MGAT5: variants seen among roughly 807,000 people sequenced by gnomAD.
MGAT5 encodes the protein alpha-1,6-mannosylglycoprotein 6-beta-N-acetylglucosaminyltransferase, also known as alpha-1,6-mannosylglycoprotein 6-beta-N-acetylglucosaminyltransferase A.
In MGAT5, 30 loss-of-function variants were observed where a neutral mutation model predicts 94.3. That is an observed-to-expected ratio of 0.32 (90% confidence interval 0.24 to 0.43). MGAT5 has a LOEUF of 0.43. MGAT5 is among the 20% of genes least tolerant of loss of function. MGAT5 has a pLI of 1.00. For missense variants in MGAT5, 691 were observed against 905.5 expected, an observed-to-expected ratio of 0.76 and a Z score of 3.04; for synonymous variants, 310 against 322.9, an observed-to-expected ratio of 0.96 and a Z score of 0.43.
intron 1 of MGAT5, among the ~76,000 whole-genome samples, chr2:134,146,518 C>T (rs563676598): frequency 1.3e-5 from 2 of 151,840 alleles, no homozygotes; most frequent in South Asian, 4.2e-4. Context: ...TATGATAGCA[C>T]CACTGCACTC....
intron 13 of MGAT5, among the ~76,000 whole-genome samples, chr2:134,425,937 TC>T (rs1166277430): frequency 1.3e-5 from 2 of 151,546 alleles, no homozygotes; most frequent in Non-Finnish European, 2.9e-5. Context: ...CAAGAATACT[TC>T]CTTGCTTCTC....
chr2:134,131,158 C>T (rs1409157191), intron 1 of MGAT5, among the ~76,000 whole-genome samples: 1 of 152,210 alleles, frequency 6.6e-6, no homozygotes, highest in East Asian at 1.9e-4. Context: ...GGCCAGCGAG[C>T]TCACAAACCC....
intron 4 of MGAT5, among the ~76,000 whole-genome samples, chr2:134,327,031 C>T (rs1317745108): frequency 6.6e-6 from 1 of 152,094 alleles, no homozygotes; most frequent in Non-Finnish European, 1.5e-5. Context: ...ACAATGATGT[C>T]TGGCACATGG....
chr2:134,220,996 A>C (rs1344257765), intron 1 of MGAT5, among the ~76,000 whole-genome samples: 1 of 151,352 alleles, frequency 6.6e-6, no homozygotes, highest in Non-Finnish European at 1.5e-5. Flanking sequence ...CTGCTTCTCC[A>C]CCCCCTTGTC....
intron 1 of MGAT5, among the ~76,000 whole-genome samples, chr2:134,151,815 C>CGCTT (rs1687201981): frequency 1.5e-5 from 2 of 136,254 alleles, no homozygotes; most frequent in African/African-American, 5.7e-5. Flanking sequence ...GGGAGCCTCC[C>CGCTT]ACTGCCATGG....
At chr2:134,247,680 T>C (rs926420694) in intron 1 of MGAT5, among the ~76,000 whole-genome samples, 2 of 152,234 alleles carry the variant, frequency 1.3e-5, no homozygotes, top group African/African-American at 4.8e-5. Flanking sequence ...TGAGAACCAA[T>C]AACTCAGTTG....
At chr2:134,239,618 C>T (rs562172767) in intron 1 of MGAT5, among the ~76,000 whole-genome samples, 2 of 152,130 alleles carry the variant, frequency 1.3e-5, no homozygotes, top group Admixed American at 1.3e-4. Context: ...AGTCTAGACT[C>T]TTTTTCCCCT....
chr2:134,312,421 G>A (rs1333368566), intron 2 of MGAT5, among the ~76,000 whole-genome samples: 1 of 152,190 alleles, frequency 6.6e-6, no homozygotes, highest in Non-Finnish European at 1.5e-5. Context: ...TGTGTGGCAT[G>A]TGCAGTCCAG....
chr2:134,401,070 CCTT>C (rs1288073991), intron 10 of MGAT5, among the ~76,000 whole-genome samples: 2 of 151,152 alleles, frequency 1.3e-5, no homozygotes, highest in Admixed American at 6.6e-5. Flanking sequence ...CCTTCCTTCT[CCTT>C]ATTCTTCTTC....
At chr2:134,140,137 G>A (rs1284236356) in intron 1 of MGAT5, among the ~76,000 whole-genome samples, 1 of 152,238 alleles carries the variant, frequency 6.6e-6, no homozygotes, top group African/African-American at 2.4e-5. Context: ...GCCACTCCCT[G>A]AAGAGGACAA....
rs146507738 is a variant in MGAT5, at chr2:134,296,752, G to A, written c.407-20777G>A. On this transcript the variant is annotated intron_variant, in intron 2 of 15. Coordinates refer to ENST00000281923, the MANE Select transcript of MGAT5 (RefSeq NM_002410.5). ...TAGGAAAAAAAATATGCATTCAAATGTTATGAGATATAGAATCCAAAAAAG... is the reference window on the plus strand; with the variant it reads ...TAGGAAAAAAAATATGCATTCAAATATTATGAGATATAGAATCCAAAAAAG... Among the ~76,000 whole-genome samples, 173 of 152,208 alleles carry A rather than the reference G, an allele frequency of 1.1e-3. No homozygotes were observed. In the Middle Eastern group the frequency reaches 0.014, roughly 12 times the overall value.
chr2:134,287,556 T>C (rs1685089998), intron 2 of MGAT5, among the ~76,000 whole-genome samples: 1 of 152,216 alleles, frequency 6.6e-6, no homozygotes, highest in Non-Finnish European at 1.5e-5. Context: ...TAGGGAACCA[T>C]AGATGACGTT....
chr2:134,215,971 C>T (rs1680476107), intron 1 of MGAT5, among the ~76,000 whole-genome samples: 1 of 152,118 alleles, frequency 6.6e-6, no homozygotes, highest in Non-Finnish European at 1.5e-5. Context: ...ACTTGGTTAT[C>T]TGCTTGGTGC....
At chr2:134,318,518 C>A in intron 3 of MGAT5, 132 bp from the exon 4 acceptor site, 1 of 685,972 alleles carries the variant, frequency 1.5e-6, no homozygotes, top group Non-Finnish European at 2.6e-6. Flanking sequence ...GGCTCAGTGA[C>A]CCTGTCACTC....
At position 134,443,177 on chromosome 2, in the gene MGAT5, GTTT is replaced by G. The variant is rs369089887; in HGVS notation, c.2027+1269_2027+1271del. On this transcript the variant is annotated intron_variant, in intron 15 of 15. Transcript: ENST00000281923. ...TCTCATGAGTAGGGGTGTAAGCTAT[GTTT>G]TTTTTTGTTGTTGTTGTTGTTGTTT... Among the ~76,000 whole-genome samples, 332 of 85,800 alleles carry G rather than the reference GTTT, an allele frequency of 3.9e-3. 6 individuals carry two copies. In the South Asian group the frequency reaches 0.071, roughly 18 times the overall value. The allele number at this position is 85,800 out of a possible 152,430, so 56.3% of individuals were successfully genotyped here. A position where few individuals can be genotyped will look rare whatever the true frequency, so the allele number is the denominator to read the frequency against.
At chr2:134,332,830 A>G (rs1230756408) in intron 4 of MGAT5, among the ~76,000 whole-genome samples, 1 of 152,242 alleles carries the variant, frequency 6.6e-6, no homozygotes, top group African/African-American at 2.4e-5. Flanking sequence ...AAACACATGA[A>G]AAAATGCTCA....
intron 10 of MGAT5, among the ~76,000 whole-genome samples, chr2:134,389,993 C>T (rs1682299232): frequency 6.6e-6 from 1 of 152,106 alleles, no homozygotes; most frequent in Non-Finnish European, 1.5e-5. Context: ...TTTCCCAATC[C>T]TTCCTGCAGT....
chr2:134,219,477 G>A (rs750474964), intron 1 of MGAT5, among the ~76,000 whole-genome samples: 35 of 152,102 alleles, frequency 2.3e-4, no homozygotes, highest in South Asian at 4.1e-4. Context: ...CGAACAGACA[G>A]TTCAATTATT....
At chr2:134,179,736 A>G (rs1324884736) in intron 1 of MGAT5, among the ~76,000 whole-genome samples, 2 of 152,192 alleles carry the variant, frequency 1.3e-5, no homozygotes, top group Non-Finnish European at 2.9e-5. Flanking sequence ...TGTCAGAGGC[A>G]TTTGAACGAG....
Sources: allele counts gnomAD v4.1 joint callset (sites outside exome capture counted in the v4.1 genomes callset), GRCh38; gene constraint gnomAD v4.1.1; transcripts MANE v1.5; gene names NCBI Gene and HGNC (gene_info 2026-07-23, HGNC 2026-07-21).